ABCB5: variants seen among roughly 807,000 people sequenced by gnomAD.
ABCB5 encodes ATP binding cassette subfamily B member 5, also known as ATP-binding cassette sub-family B member 5.
ABCB5 carries 155 observed loss-of-function variants against 144.2 expected under a neutral mutation model. That is an observed-to-expected ratio of 1.08 (90% CI 0.94 to 1.23). ABCB5 has a LOEUF of 1.23. Among genes scored for constraint, ABCB5 ranks in the 50% most tolerant of loss-of-function variants. ABCB5 has a pLI of 0.00. For synonymous variants in ABCB5, 610 were observed against 528.6 expected (o/e 1.15, Z -2.11); for missense variants, 1,830 against 1,520.8 (o/e 1.20, Z -3.38).
chr7:20,646,743 A>G (rs1784421041), intron 9 of ABCB5, among the ~76,000 whole-genome samples: 1 of 152,230 alleles, frequency 6.6e-6, no homozygotes, highest in African/African-American at 2.4e-5. Context: ...TGAGGAACCA[A>G]AATGATCTGC....
intron 14 of ABCB5, among the ~76,000 whole-genome samples, chr7:20,660,972 G>A (rs1340221851): frequency 6.6e-6 from 1 of 152,112 alleles, no homozygotes; most frequent in African/African-American, 2.4e-5. Flanking sequence ...TTAGGGCAGG[G>A]GTGAATTCTA....
rs907524117 is a variant in ABCB5 at position 20,630,821 on chromosome 7, A to T, written c.260-1238A>T. On this transcript the variant is annotated intron_variant, in intron 4 of 27. Coordinates refer to ENST00000404938, the MANE Select transcript of ABCB5 (RefSeq NM_001163941.2). Reference sequence around the variant, plus strand: ...CTGTTTTGGATAGGCTAGGCACTACATATCTAATTGCTATTGCTGTGAATT... The same window carrying T: ...CTGTTTTGGATAGGCTAGGCACTACTTATCTAATTGCTATTGCTGTGAATT... Among the ~76,000 whole-genome samples the T allele has an allele frequency of 1.0e-4, 15 of 149,428 alleles. No homozygotes were observed. The East Asian group carries it at 2.9e-3, about 29-fold the overall frequency.
intron 1 of ABCB5, 112 bp downstream of exon 1, chr7:20,615,949 A>ATG (rs1215044970): frequency 6.6e-6 from 1 of 152,226 alleles, no homozygotes. Context: ...GGAAACAAAA[A>ATG]TGTGTGTGTA....
intron 13 of ABCB5, among the ~76,000 whole-genome samples, chr7:20,654,956 CTAA>C (rs748112354): frequency 2.8e-4 from 42 of 150,354 alleles, no homozygotes; most frequent in Admixed American, 4.6e-4. Flanking sequence ...ACAAGCAAGA[CTAA>C]GTAAATAGAA....
chr7:20,647,418 C>A, intron 9 of ABCB5, 117 bp from the exon 10 acceptor site: 1 of 1,388,878 alleles, frequency 7.2e-7, no homozygotes, highest in Non-Finnish European at 9.3e-7. Flanking sequence ...TCCATTCTTT[C>A]TTACCTAATT....
rs201830783 is a variant in ABCB5 at position 20,739,048 on chromosome 7, A to G, written c.2933A>G (p.Tyr978Cys). 77 of 1,612,792 alleles carry G rather than the reference A, an allele frequency of 4.8e-5. No individual in the cohort carries two copies. The highest frequency in any genetic ancestry group is 6.4e-5 in the Non-Finnish European group (75 of 1,179,528). Reference protein sequence around the residue: ...IGETLVLAPEYSKAKSGAAHL... With the variant: ...IGETLVLAPECSKAKSGAAHL... ...GAAACGCTCGTTTTGGCTCCTGAAT[A>G]TTCCAAAGCCAAATCGGGGGCTGCG... is the stretch of plus-strand genomic sequence containing the variant. The change falls in exon 24 of 28, where the codon TAT becomes TGT. Residue 978 changes from tyrosine (Y) to cysteine (C), a missense_variant. By Grantham distance (194) the Tyr-to-Cys change is radical. Coordinates refer to ENST00000404938, the MANE Select transcript of ABCB5 (RefSeq NM_001163941.2).
At chr7:20,646,979 T>C (rs1006225869) in intron 9 of ABCB5, among the ~76,000 whole-genome samples, 2 of 152,244 alleles carry the variant, frequency 1.3e-5, no homozygotes, top group African/African-American at 4.8e-5. Context: ...CTCATCTATA[T>C]GATAGGAGTA....
At chr7:20,644,267 C>T (rs1349025306) in intron 7 of ABCB5, among the ~76,000 whole-genome samples, 3 of 151,958 alleles carry the variant, frequency 2.0e-5, no homozygotes, top group African/African-American at 7.3e-5. Flanking sequence ...TTTGTAGAGA[C>T]AGATTTTCAC....
At chr7:20,628,550 T>C (rs1417438472) in intron 3 of ABCB5, 138 bp from the exon 4 acceptor site, 4 of 770,716 alleles carry the variant, frequency 5.2e-6, no homozygotes, top group African/African-American at 3.5e-5. Context: ...TATGATTTTA[T>C]GCACTTATTT....
intron 21 of ABCB5, among the ~76,000 whole-genome samples, chr7:20,723,657 G>A (rs1427748625): frequency 6.6e-6 from 1 of 152,182 alleles, no homozygotes; most frequent in East Asian, 1.9e-4. Flanking sequence ...CAGTAAGCAC[G>A]TACTAATGTC....
At position 20,698,469 on chromosome 7, in the gene ABCB5, T is replaced by A; in HGVS notation, c.2073T>A (p.Phe691Leu). The A allele has an allele frequency of 6.2e-7, 1 of 1,600,424 alleles. No individual in the cohort carries two copies. The highest frequency in any genetic ancestry group is 8.5e-7 in the Non-Finnish European group (1 of 1,175,458). Residue 691 changes from phenylalanine to leucine, a missense_variant, in exon 17 of 28, where the codon TTT (phenylalanine) becomes TTA (leucine). By Grantham distance (22) the Phe-to-Leu change is conservative (BLOSUM62 0). Coordinates refer to ENST00000404938, the MANE Select transcript of ABCB5 (RefSeq NM_001163941.2). Reference protein sequence around the residue: ...ILKLNKPEWPFVVLGTLASVL... With the variant: ...ILKLNKPEWPLVVLGTLASVL... ...AGTTAAACAAGCCTGAATGGCCTTTTGTGGTTCTGGGGACATTGGCTTCTG... is the reference window on the plus strand; with the variant it reads ...AGTTAAACAAGCCTGAATGGCCTTTAGTGGTTCTGGGGACATTGGCTTCTG...
At chr7:20,662,139 G>C (rs753843145) in intron 14 of ABCB5, among the ~76,000 whole-genome samples, 1 of 152,188 alleles carries the variant, frequency 6.6e-6, no homozygotes, top group Non-Finnish European at 1.5e-5. Flanking sequence ...GCAAATCTAA[G>C]GCATCATTAT....
In ABCB5 at chr7:20,646,033, T is replaced by C; in HGVS notation, c.876T>C (p.Gly292=). The change falls in exon 9 of 28, where the codon GGT becomes GGC. Residue 292 remains glycine, a synonymous_variant. Coordinates refer to ENST00000404938, the MANE Select transcript of ABCB5 (RefSeq NM_001163941.2). ...KRTIASKVSL[G]AVYFFMNGTY... ...CTATAGCTTCAAAAGTGTCTCTTGGTGCTGTGTACTTCTTTATGAATGGAA... is the reference window on the plus strand; with the variant it reads ...CTATAGCTTCAAAAGTGTCTCTTGGCGCTGTGTACTTCTTTATGAATGGAA... 3 of 1,613,910 alleles carry C rather than the reference T, an allele frequency of 1.9e-6. No individual in the cohort carries two copies. The highest frequency in any genetic ancestry group is 2.5e-6 in the Non-Finnish European group (3 of 1,179,818).
At chr7:20,690,628 C>T (rs75204054) in intron 16 of ABCB5, among the ~76,000 whole-genome samples, 4 of 152,098 alleles carry the variant, frequency 2.6e-5, no homozygotes, top group South Asian at 4.2e-4. Context: ...GAAAGCAGAA[C>T]GGAGAGGAGG....
In ABCB5 at chr7:20,651,351, T is replaced by C. The variant is rs1450415133; in HGVS notation, c.1333-69T>C. 4 of 1,459,528 alleles carry C rather than the reference T, an allele frequency of 2.7e-6. No individual in the cohort carries two copies. The East Asian group carries it at 9.2e-5, about 34-fold the overall frequency. The allele number at this position is 1,459,528 out of a possible 1,614,324, so 90.4% of individuals were successfully genotyped here. A position where few individuals can be genotyped will look rare whatever the true frequency, so the allele number is the denominator to read the frequency against. ...CTACTTCTCAGCTTATATTTTGGTCTAGTATGAAAAACCCTAAAATCAATA... is the reference window on the plus strand; with the variant it reads ...CTACTTCTCAGCTTATATTTTGGTCCAGTATGAAAAACCCTAAAATCAATA... On this transcript the variant is annotated intron_variant, in intron 12 of 27. Coordinates refer to ENST00000404938, the MANE Select transcript of ABCB5 (RefSeq NM_001163941.2).
intron 23 of ABCB5, among the ~76,000 whole-genome samples, chr7:20,732,131 C>T (rs1258225748): frequency 1.3e-5 from 2 of 152,194 alleles, no homozygotes; most frequent in Non-Finnish European, 2.9e-5. Flanking sequence ...ACTCATCAGC[C>T]CCACACTTGC....
chr7:20,702,145 A>C (rs184141781), intron 19 of ABCB5, among the ~76,000 whole-genome samples: 2 of 152,370 alleles, frequency 1.3e-5, no homozygotes, highest in East Asian at 3.9e-4. Context: ...CTTCCTGTTG[A>C]AAAGAATGTT....
chr7:20,643,685 T>A (rs1263586781), intron 7 of ABCB5, 53 bp downstream of exon 7: 2 of 1,587,152 alleles, frequency 1.3e-6, no homozygotes, highest in Non-Finnish European at 8.6e-7. Context: ...GTGGACTAAA[T>A]GACTCACTGA....
chr7:20,628,950 A>G (rs1277830913), intron 4 of ABCB5, 112 bp downstream of exon 4: 1 of 1,254,440 alleles, frequency 8.0e-7, no homozygotes, highest in Admixed American at 2.4e-5. Flanking sequence ...GTATCTGTAT[A>G]ATATGTATTT....
Sources: allele counts gnomAD v4.1 joint callset (sites outside exome capture counted in the v4.1 genomes callset), GRCh38; gene constraint gnomAD v4.1.1; transcripts MANE v1.5; gene names NCBI Gene and HGNC (gene_info 2026-07-23, HGNC 2026-07-21).